WDR70: variants seen among roughly 807,000 people sequenced by gnomAD.
WDR70 encodes the protein WD repeat-containing protein 70.
In WDR70, 53 loss-of-function variants were observed where a neutral mutation model predicts 88.6. The observed-to-expected ratio is 0.60, with a 90% CI of 0.48 to 0.75. WDR70 has a LOEUF of 0.75. Among genes scored for constraint, WDR70 ranks in the 30% least tolerant of loss-of-function variants. The pLI is 0.00. For synonymous variants in WDR70, 280 were observed against 270.0 expected (o/e 1.04, Z -0.36); for missense variants, 610 against 823.2 (o/e 0.74, Z 3.17).
At chr5:37,454,691 T>C (rs1173778331) in intron 7 of WDR70, among the ~76,000 whole-genome samples, 1 of 152,236 alleles carries the variant, frequency 6.6e-6, no homozygotes, top group Non-Finnish European at 1.5e-5. Context: ...TTTAGTGGGA[T>C]GATGGGGAGA....
chr5:37,453,466 T>C (rs1414446870), intron 7 of WDR70, among the ~76,000 whole-genome samples: 1 of 152,276 alleles, frequency 6.6e-6, no homozygotes, highest in African/African-American at 2.4e-5. Context: ...CACAGCTCGC[T>C]GATGCTATTG....
chr5:37,583,536 A>G (rs58969082), intron 9 of WDR70, among the ~76,000 whole-genome samples: 2 of 59,618 alleles, frequency 3.4e-5, no homozygotes, highest in East Asian at 9.8e-4. Flanking sequence ...GGCTATGACA[A>G]GCAGTCATAG....
intron 7 of WDR70, among the ~76,000 whole-genome samples, chr5:37,457,343 G>A (rs574029345): frequency 1.6e-4 from 25 of 152,146 alleles, no homozygotes; most frequent in African/African-American, 2.7e-4. Flanking sequence ...TGATCCACCC[G>A]CCTTGGCCTC....
intron 10 of WDR70, among the ~76,000 whole-genome samples, chr5:37,616,479 T>A (rs764954656): frequency 6.6e-6 from 1 of 152,010 alleles, no homozygotes; most frequent in East Asian, 1.9e-4. Flanking sequence ...ATTTACTGCC[T>A]TGGTGCCTTT....
At chr5:37,717,754 G>C (rs1747691211) in intron 13 of WDR70, among the ~76,000 whole-genome samples, 1 of 152,174 alleles carries the variant, frequency 6.6e-6, no homozygotes, top group Non-Finnish European at 1.5e-5. Flanking sequence ...GGTTTGGCAG[G>C]TAGCCAGCTC....
chr5:37,528,374 C>G (rs760679480), intron 9 of WDR70, among the ~76,000 whole-genome samples: 2 of 152,040 alleles, frequency 1.3e-5, no homozygotes, highest in Non-Finnish European at 2.9e-5. Context: ...CAAACTATCA[C>G]AAGGACAAAA....
chr5:37,548,111 A>C (rs1742045928), intron 9 of WDR70, among the ~76,000 whole-genome samples: 1 of 152,196 alleles, frequency 6.6e-6, no homozygotes, highest in African/African-American at 2.4e-5. Flanking sequence ...CAAACATGGG[A>C]GTGCAGAAAG....
intron 10 of WDR70, among the ~76,000 whole-genome samples, chr5:37,689,811 A>G (rs1264091199): frequency 6.6e-6 from 1 of 152,234 alleles, no homozygotes; most frequent in Non-Finnish European, 1.5e-5. Context: ...TCTCCTCCAA[A>G]GATCGCAGCT....
intron 9 of WDR70, among the ~76,000 whole-genome samples, chr5:37,564,146 T>A (rs1187909448): frequency 6.6e-6 from 1 of 150,592 alleles, no homozygotes; most frequent in East Asian, 2.0e-4. Flanking sequence ...GAGGCTGCAA[T>A]CTCGGCACTT....
At chr5:37,407,909 C>A (rs1427634278) in intron 5 of WDR70, among the ~76,000 whole-genome samples, 2 of 152,022 alleles carry the variant, frequency 1.3e-5, no homozygotes, top group Non-Finnish European at 2.9e-5. Context: ...GAGTGTGGAG[C>A]CTGTTTTAAG....
At chr5:37,576,757 T>C (rs942520316) in intron 9 of WDR70, among the ~76,000 whole-genome samples, 2 of 102,876 alleles carry the variant, frequency 1.9e-5, no homozygotes, top group Middle Eastern at 4.1e-3. Context: ...CGTAAATATT[T>C]GGTAGTCTTT....
At chr5:37,652,850 T>A (rs1289417455) in intron 10 of WDR70, among the ~76,000 whole-genome samples, 1 of 152,194 alleles carries the variant, frequency 6.6e-6, no homozygotes, top group Non-Finnish European at 1.5e-5. Flanking sequence ...GCTGAGATGA[T>A]GGGGTTTTTT....
chr5:37,433,023 T>C (rs2112027056), intron 5 of WDR70, among the ~76,000 whole-genome samples: 1 of 152,298 alleles, frequency 6.6e-6, no homozygotes, highest in East Asian at 1.9e-4. Context: ...TGATTATCTC[T>C]TTTGATGCCC....
At chr5:37,576,764 CTTT>C (rs34306141) in intron 9 of WDR70, among the ~76,000 whole-genome samples, 39 of 147,218 alleles carry the variant, frequency 2.6e-4, no homozygotes, top group Admixed American at 1.5e-3. Context: ...ATTTGGTAGT[CTTT>C]TTTTTTTTTT....
chr5:37,706,587 C>G (rs891773676), intron 13 of WDR70, among the ~76,000 whole-genome samples: 16 of 152,162 alleles, frequency 1.1e-4, no homozygotes, highest in Non-Finnish European at 5.9e-5. Flanking sequence ...GCCTTTGCCC[C>G]TCCTTCACCT....
At chr5:37,480,573 T>C (rs139147593) in intron 8 of WDR70, among the ~76,000 whole-genome samples, 1 of 152,220 alleles carries the variant, frequency 6.6e-6, no homozygotes, top group African/African-American at 2.4e-5. Flanking sequence ...CCATCAGATC[T>C]CATGAGACTT....
intron 5 of WDR70, among the ~76,000 whole-genome samples, chr5:37,418,237 A>T (rs1254920703): frequency 6.6e-6 from 1 of 151,450 alleles, no homozygotes; most frequent in Non-Finnish European, 1.5e-5. Flanking sequence ...ATTCAGGATT[A>T]AATAAACCTT....
At chr5:37,738,516 G>A (rs547519766) in intron 17 of WDR70, among the ~76,000 whole-genome samples, 1 of 152,238 alleles carries the variant, frequency 6.6e-6, no homozygotes, top group East Asian at 1.9e-4. Flanking sequence ...GAAGGGCCGT[G>A]TAGAAGACAT....
chr5:37,638,485 G>T (rs1657082459), intron 10 of WDR70, among the ~76,000 whole-genome samples: 1 of 152,186 alleles, frequency 6.6e-6, no homozygotes, highest in African/African-American at 2.4e-5. Context: ...GCACGCACAT[G>T]CGCGCACATA....
Sources: gnomAD v4.1 joint callset for allele counts (sites outside exome capture counted in the v4.1 genomes callset) on GRCh38, gnomAD v4.1.1 for gene constraint, MANE v1.5 for transcripts, NCBI Gene and HGNC (gene_info 2026-07-23, HGNC 2026-07-21) for gene names.